ARHGAP18: variants seen among roughly 807,000 people sequenced by gnomAD.
The protein encoded by ARHGAP18 is Rho GTPase activating protein 18, also known as rho GTPase-activating protein 18.
Under a neutral mutation model 86.2 loss-of-function variants are expected in ARHGAP18, and 67 were observed. The ratio of observed to expected loss-of-function variants is 0.78; its 90% CI spans 0.64 to 0.95. ARHGAP18 has a LOEUF of 0.95. Among genes scored for constraint, ARHGAP18 ranks in the 40% least tolerant of loss-of-function variants. The pLI, the probability that ARHGAP18 is intolerant of heterozygous loss-of-function variation, is 0.00. For synonymous variants in ARHGAP18, 283 were observed against 280.4 expected (o/e 1.01, Z -0.09); for missense variants, 691 against 780.4 (o/e 0.89, Z 1.37).
chr6:129,593,960 GGTTA>G, intron 12 of ARHGAP18, among the ~76,000 whole-genome samples: 1 of 152,148 alleles, frequency 6.6e-6, no homozygotes, highest in South Asian at 2.1e-4. Context: ...AATTATAAAC[GGTTA>G]GTTTTAATAG....
intron 8 of ARHGAP18, among the ~76,000 whole-genome samples, 155 bp from the exon 9 acceptor site, chr6:129,608,207 GA>G (rs1207660973): frequency 1.3e-5 from 2 of 149,494 alleles, no homozygotes; most frequent in Non-Finnish European, 3.0e-5. Flanking sequence ...CTTTTACTCA[GA>G]AAAAAAACTA....
intron 6 of ARHGAP18, among the ~76,000 whole-genome samples, chr6:129,617,509 T>C (rs950122413): frequency 3.3e-5 from 5 of 152,154 alleles, no homozygotes; most frequent in African/African-American, 1.2e-4. Context: ...GGGTATAACA[T>C]AAAATCAGTA....
chr6:129,594,095 G>A (rs1788569722), intron 12 of ARHGAP18, among the ~76,000 whole-genome samples: 1 of 152,158 alleles, frequency 6.6e-6, no homozygotes, highest in African/African-American at 2.4e-5. Context: ...ACAGGTGCAT[G>A]CCACTGCATT....
At position 129,578,184 on chromosome 6, in the gene ARHGAP18, A is replaced by T. The variant is rs1788217747; in HGVS notation, c.*329T>A. On this transcript the variant is annotated 3_prime_UTR_variant, in exon 15 of 15. Coordinates refer to ENST00000368149, the MANE Select transcript of ARHGAP18 (RefSeq NM_033515.3). ...GTATATATGATTTTAGGAGAAAAGA[A>T]TGGGAAGAGAAGACATTTCCACATA... The T allele has an allele frequency of 6.5e-6, 1 of 153,952 alleles. No homozygotes were observed. Among genetic ancestry groups the T allele is most frequent in the African/African-American group, 2.4e-5 (1 of 41,464 alleles). 9.5% of individuals were successfully genotyped at this position (153,952 alleles called of 1,614,324 possible).
chr6:129,608,160 T>C, intron 8 of ARHGAP18, 108 bp from the exon 9 acceptor site: 1 of 1,304,228 alleles, frequency 7.7e-7, no homozygotes. Context: ...CTCTGCTCTT[T>C]AGACAAGACA....
intron 4 of ARHGAP18, among the ~76,000 whole-genome samples, chr6:129,630,583 CTG>C (rs1398721562): frequency 6.6e-6 from 1 of 152,098 alleles, no homozygotes; most frequent in African/African-American, 2.4e-5. Context: ...TATTAAGAGT[CTG>C]CAGTTCAGAA....
At chr6:129,624,826 T>C (rs1252755212) in intron 5 of ARHGAP18, among the ~76,000 whole-genome samples, 1 of 150,204 alleles carries the variant, frequency 6.7e-6, no homozygotes, top group African/African-American at 2.5e-5. Flanking sequence ...GCACCTATAA[T>C]CCCAGCTCTT....
At chr6:129,603,533 G>T (rs1788792254) in intron 10 of ARHGAP18, among the ~76,000 whole-genome samples, 1 of 152,116 alleles carries the variant, frequency 6.6e-6, no homozygotes, top group Admixed American at 6.6e-5. Context: ...TAGTAGCTGG[G>T]TATGATGTTA....
Position 129,638,407 on chromosome 6 carries a change from T to C in ARHGAP18, c.539A>G (p.Glu180Gly), listed in dbSNP as rs1562704762. Reference protein sequence around the residue: ...DVRDIFAQQRESKETAPGGTE... With the variant: ...DVRDIFAQQRGSKETAPGGTE... ...AAGAAAACCTACTGTTTCTTTTGAT[T>C]CTCTCTGTTGAGCAAATATGTCTCT... is the stretch of plus-strand genomic sequence containing the variant. Residue 180 changes from glutamate (E) to glycine (G), a missense_variant, in exon 3 of 15, where the codon GAA (glutamate) becomes GGA (glycine). Physicochemically the swap from Glu to Gly is moderately conservative, Grantham distance 98. Transcript: ENST00000368149. 2 of 1,613,644 alleles carry C rather than the reference T, an allele frequency of 1.2e-6. No homozygotes were observed. The highest frequency in any genetic ancestry group is 1.7e-6 in the Non-Finnish European group (2 of 1,179,910).
At chr6:129,701,783 C>CA (rs1168605930) in intron 1 of ARHGAP18, among the ~76,000 whole-genome samples, 2 of 149,584 alleles carry the variant, frequency 1.3e-5, no homozygotes, top group Non-Finnish European at 2.9e-5. Flanking sequence ...TAAAAAAAAA[C>CA]AAAAAACAAA....
At position 129,600,539 on chromosome 6, in the gene ARHGAP18, T is replaced by C. The variant is rs1788715560; in HGVS notation, c.1572+103A>G. On this transcript the variant is annotated intron_variant, in intron 11 of 14. Coordinates refer to ENST00000368149, the MANE Select transcript of ARHGAP18 (RefSeq NM_033515.3). ...CTATATGAATAAAATGTTTTTAATATTTTCTGCACTCACAAATTTTAAATG... is the reference window on the plus strand; with the variant it reads ...CTATATGAATAAAATGTTTTTAATACTTTCTGCACTCACAAATTTTAAATG... 15 of 937,058 alleles carry C rather than the reference T, an allele frequency of 1.6e-5. 1 individual carries two copies. The South Asian group carries it at 2.6e-4, about 16-fold the overall frequency. 58.0% of individuals were successfully genotyped at this position (937,058 alleles called of 1,614,324 possible).
intron 12 of ARHGAP18, among the ~76,000 whole-genome samples, chr6:129,589,797 G>C (rs2114435390): frequency 6.6e-6 from 1 of 152,274 alleles, no homozygotes; most frequent in Middle Eastern, 3.4e-3. Flanking sequence ...ACAAGGTGAA[G>C]TCCCACAATA....
chr6:129,683,936 A>G (rs1179971417), intron 1 of ARHGAP18, among the ~76,000 whole-genome samples: 1 of 152,254 alleles, frequency 6.6e-6, no homozygotes, highest in East Asian at 1.9e-4. Context: ...GAAAATGTGA[A>G]TTGAAAAGAG....
At chr6:129,666,246 TATTCTGC>T (rs1169618638) in intron 1 of ARHGAP18, among the ~76,000 whole-genome samples, 5 of 152,166 alleles carry the variant, frequency 3.3e-5, no homozygotes, top group African/African-American at 1.2e-4. Context: ...AAAAGAGGGT[TATTCTGC>T]CTCCCAGCAA....
Position 129,584,749 on chromosome 6 carries a change from G to T in ARHGAP18, c.1714-637C>A, listed in dbSNP as rs144406724. On this transcript the variant is annotated intron_variant, in intron 12 of 14. Coordinates refer to ENST00000368149, the MANE Select transcript of ARHGAP18 (RefSeq NM_033515.3). ...GTAATACCAAAATGTCAGCTATAGC[G>T]TTAGAAATATTAGTCTTAATTAATT... Among the ~76,000 whole-genome samples, 956 of 152,236 alleles carry T rather than the reference G, an allele frequency of 6.3e-3. 10 individuals are homozygous for T. The highest frequency in any genetic ancestry group is 0.022 in the African/African-American group (906 of 41,546).
chr6:129,625,728 A>G (rs1445894289), intron 5 of ARHGAP18, among the ~76,000 whole-genome samples: 2 of 56,988 alleles, frequency 3.5e-5, no homozygotes, highest in Non-Finnish European at 6.2e-5. Context: ...TATATTATAT[A>G]TATTTATTAT....
At chr6:129,637,934 T>G (rs1773367726) in intron 3 of ARHGAP18, among the ~76,000 whole-genome samples, 1 of 152,236 alleles carries the variant, frequency 6.6e-6, no homozygotes, top group Admixed American at 6.5e-5. Flanking sequence ...TCAAAGTTCC[T>G]GCTTTGTAAT....
intron 12 of ARHGAP18, among the ~76,000 whole-genome samples, chr6:129,592,672 C>T (rs761735647): frequency 1.3e-5 from 2 of 152,176 alleles, no homozygotes; most frequent in African/African-American, 4.8e-5. Flanking sequence ...TGTACCCTCA[C>T]TCTCATAAAT....
chr6:129,583,943 A>C, intron 13 of ARHGAP18, 45 bp downstream of exon 13: 1 of 1,584,544 alleles, frequency 6.3e-7, no homozygotes, highest in Non-Finnish European at 8.6e-7. Context: ...GAGAGAGAGC[A>C]AGTGACTTAT....
Sources: gnomAD v4.1 joint callset for allele counts (sites outside exome capture counted in the v4.1 genomes callset) on GRCh38, gnomAD v4.1.1 for gene constraint, MANE v1.5 for transcripts, NCBI Gene and HGNC (gene_info 2026-07-23, HGNC 2026-07-21) for gene names.